Variants in ABCC1 observed in about 807,000 individuals in gnomAD.
The protein encoded by ABCC1 is multidrug resistance-associated protein 1.
A neutral mutation model predicts 172.9 loss-of-function variants in ABCC1; 83 were observed. The observed-to-expected ratio is 0.48, with a 90% CI of 0.40 to 0.58. ABCC1 has a LOEUF of 0.58. Among genes scored for constraint, ABCC1 ranks in the 20% least tolerant of loss-of-function variants. ABCC1 has a pLI of 0.00. For missense variants in ABCC1, 1,817 were observed against 2,002.7 expected (o/e 0.91, Z 1.77); for synonymous variants, 937 against 825.2 (o/e 1.14, Z -2.32).
At chr16:16,002,838 G>T (rs979222815) in intron 1 of ABCC1, among the ~76,000 whole-genome samples, 1 of 151,956 alleles carries the variant, frequency 6.6e-6, no homozygotes, top group African/African-American at 2.4e-5. Flanking sequence ...ATAGAATGGA[G>T]TATCGTAGTG....
chr16:16,111,692 A>G, intron 22 of ABCC1, 110 bp downstream of exon 22: 2 of 936,614 alleles, frequency 2.1e-6, no homozygotes, highest in East Asian at 2.6e-5. Flanking sequence ...CCCCAAACCA[A>G]GCCAAACCCA....
chr16:16,037,181 A>C (rs1161424478), intron 7 of ABCC1, among the ~76,000 whole-genome samples: 1 of 151,564 alleles, frequency 6.6e-6, no homozygotes, highest in African/African-American at 2.4e-5. Flanking sequence ...TCCCTCCTTG[A>C]GTCAGTCTCA....
At chr16:16,096,182 T>C (rs1320071446) in intron 19 of ABCC1, among the ~76,000 whole-genome samples, 1 of 151,768 alleles carries the variant, frequency 6.6e-6, no homozygotes, top group Non-Finnish European at 1.5e-5. Flanking sequence ...TGAGCCAAGA[T>C]TGTGCCACTG....
chr16:16,056,055 G>C (rs2049638028), intron 11 of ABCC1, 37 bp from the exon 12 acceptor site: 1 of 1,590,006 alleles, frequency 6.3e-7, no homozygotes, highest in Admixed American at 1.7e-5. Context: ...TGATCCCAGG[G>C]TCGCCCCAGA....
intron 23 of ABCC1, among the ~76,000 whole-genome samples, chr16:16,116,705 G>A (rs2044888563): frequency 6.6e-6 from 1 of 152,084 alleles, no homozygotes; most frequent in Non-Finnish European, 1.5e-5. Flanking sequence ...TGGGATTACA[G>A]GCATGCGCCA....
At chr16:16,109,682 G>A (rs552620331) in intron 21 of ABCC1, among the ~76,000 whole-genome samples, 8 of 152,286 alleles carry the variant, frequency 5.3e-5, no homozygotes, top group African/African-American at 1.9e-4. Flanking sequence ...GAATATAGGA[G>A]GGAAAGAAAC....
At chr16:16,018,717 C>A (rs575854041) in intron 5 of ABCC1, among the ~76,000 whole-genome samples, 1 of 151,234 alleles carries the variant, frequency 6.6e-6, no homozygotes, top group African/African-American at 2.4e-5. Flanking sequence ...TTGTGTGTCT[C>A]GGTAGTCATA....
chr16:15,952,777 C>T (rs1337242604), intron 1 of ABCC1, among the ~76,000 whole-genome samples: 3 of 146,500 alleles, frequency 2.0e-5, no homozygotes, highest in African/African-American at 7.6e-5. Context: ...CGCCTGTAAT[C>T]CCAGCACTTT....
intron 26 of ABCC1, among the ~76,000 whole-genome samples, chr16:16,130,597 G>T (rs138488139): frequency 7.2e-5 from 11 of 152,222 alleles, no homozygotes; most frequent in African/African-American, 2.6e-4. Context: ...TGTCTAAACC[G>T]TAAAATTTTG....
At chr16:16,102,765 T>A in intron 20 of ABCC1, 48 bp downstream of exon 20, 1 of 1,532,728 alleles carries the variant, frequency 6.5e-7, no homozygotes, top group Non-Finnish European at 8.8e-7. Flanking sequence ...GCCCTGCCAG[T>A]GGGAGGACAA....
chr16:16,088,181 C>T (rs1040586952), intron 18 of ABCC1, among the ~76,000 whole-genome samples: 4 of 151,486 alleles, frequency 2.6e-5, no homozygotes, highest in East Asian at 1.9e-4. Context: ...AAGCTGGGCA[C>T]GGTGAGTAAT....
chr16:15,995,631 TG>T (rs1263722677), intron 1 of ABCC1, among the ~76,000 whole-genome samples: 20 of 151,892 alleles, frequency 1.3e-4, no homozygotes, highest in African/African-American at 4.8e-4. Context: ...CGCTGATAAA[TG>T]TCCACTGAGC....
At chr16:16,095,746 G>A (rs1024310382) in intron 19 of ABCC1, among the ~76,000 whole-genome samples, 7 of 151,704 alleles carry the variant, frequency 4.6e-5, no homozygotes, top group African/African-American at 1.7e-4. Context: ...GGCTGGTCTC[G>A]AACTCCTGGG....
At chr16:16,046,194 C>A (rs984358138) in intron 9 of ABCC1, among the ~76,000 whole-genome samples, 181 bp downstream of exon 9, 2 of 152,150 alleles carry the variant, frequency 1.3e-5, no homozygotes, top group African/African-American at 4.8e-5. Flanking sequence ...GTTAGGAAAG[C>A]TGATTTCAAG....
At chr16:16,041,086 C>T (rs890660095) in intron 7 of ABCC1, among the ~76,000 whole-genome samples, 3 of 151,076 alleles carry the variant, frequency 2.0e-5, no homozygotes, top group South Asian at 2.1e-4. Context: ...TGCCACCACA[C>T]CTGGCTAATT....
intron 16 of ABCC1, among the ~76,000 whole-genome samples, chr16:16,081,419 G>A (rs1184610178): frequency 6.6e-6 from 1 of 152,180 alleles, no homozygotes; most frequent in Non-Finnish European, 1.5e-5. Context: ...CCAGCTTTCT[G>A]CTATCCTGGC....
intron 6 of ABCC1, among the ~76,000 whole-genome samples, chr16:16,035,607 C>T (rs1299855184): frequency 6.6e-6 from 1 of 151,718 alleles, no homozygotes; most frequent in Admixed American, 6.6e-5. Flanking sequence ...CCTGCCACCT[C>T]AGCCTCCCGA....
At chr16:16,116,204 C>G (rs1430740726) in intron 23 of ABCC1, among the ~76,000 whole-genome samples, 1 of 151,880 alleles carries the variant, frequency 6.6e-6, no homozygotes, top group Non-Finnish European at 1.5e-5. Context: ...GCGCCCGGCC[C>G]CTTTCATTCT....
At chr16:15,989,626 C>T (rs568254947) in intron 1 of ABCC1, among the ~76,000 whole-genome samples, 3 of 152,056 alleles carry the variant, frequency 2.0e-5, no homozygotes, top group Non-Finnish European at 2.9e-5. Flanking sequence ...CCTTTCGTCC[C>T]TCCAAGCCCC....
Sources: gnomAD v4.1 joint callset for allele counts (sites outside exome capture counted in the v4.1 genomes callset) on GRCh38, gnomAD v4.1.1 for gene constraint, MANE v1.5 for transcripts, NCBI Gene and HGNC (gene_info 2026-07-23, HGNC 2026-07-21) for gene names.